Variants in R3HCC1L observed in about 807,000 individuals in gnomAD.
The protein encoded by R3HCC1L is R3H domain and coiled-coil containing 1 like, also known as coiled-coil domain-containing protein R3HCC1L.
A neutral mutation model predicts 59.9 loss-of-function variants in R3HCC1L; 51 were observed. The observed-to-expected ratio is 0.85, with a 90% CI of 0.68 to 1.07. The LOEUF (loss-of-function observed/expected upper bound fraction) is 1.07. R3HCC1L is among the 50% of genes least tolerant of loss of function. The pLI, the probability that R3HCC1L is intolerant of heterozygous loss-of-function variation, is 0.00. For synonymous variants in R3HCC1L, 322 were observed against 315.2 expected, an observed-to-expected ratio of 1.02 and a Z score of -0.23; for missense variants, 965 against 933.0, an observed-to-expected ratio of 1.03 and a Z score of -0.45.
At chr10:98,148,308 G>A (rs937802775) in intron 1 of R3HCC1L, among the ~76,000 whole-genome samples, 2 of 151,976 alleles carry the variant, frequency 1.3e-5, no homozygotes, top group African/African-American at 2.4e-5. Flanking sequence ...AGGTTTTTCT[G>A]TATATAAATC....
At chr10:98,206,844 A>G (rs1394238284) in intron 4 of R3HCC1L, among the ~76,000 whole-genome samples, 1 of 152,208 alleles carries the variant, frequency 6.6e-6, no homozygotes, top group Non-Finnish European at 1.5e-5. Context: ...TTAAGGTCAT[A>G]TTCTTCCTCA....
intron 5 of R3HCC1L, chr10:98,211,389 T>C: frequency 6.7e-7 from 1 of 1,503,472 alleles, no homozygotes; most frequent in Non-Finnish European, 8.9e-7. Flanking sequence ...AGTAGGGAAC[T>C]GCAAATGACT....
At chr10:98,158,154 A>G (rs1387436644) in intron 2 of R3HCC1L, among the ~76,000 whole-genome samples, 1 of 152,178 alleles carries the variant, frequency 6.6e-6, no homozygotes, top group Non-Finnish European at 1.5e-5. Context: ...CTATTAACAG[A>G]TCAGTGTATA....
intron 1 of R3HCC1L, among the ~76,000 whole-genome samples, chr10:98,147,552 G>C (rs1845779535): frequency 6.6e-6 from 1 of 152,076 alleles, no homozygotes; most frequent in Admixed American, 6.5e-5. Context: ...GGCCTTACAT[G>C]TAAGTCTTTA....
At chr10:98,168,790 T>C (rs1590517888) in intron 4 of R3HCC1L, among the ~76,000 whole-genome samples, 1 of 152,356 alleles carries the variant, frequency 6.6e-6, no homozygotes, top group East Asian at 1.9e-4. Context: ...ACGTATACTC[T>C]ACATTCTACT....
intron 4 of R3HCC1L, among the ~76,000 whole-genome samples, chr10:98,175,779 A>G (rs971025245): frequency 1.3e-5 from 2 of 152,148 alleles, no homozygotes; most frequent in Non-Finnish European, 2.9e-5. Flanking sequence ...GAATTTTGAT[A>G]AAGTCGAGTT....
chr10:98,186,813 A>G (rs928204244), intron 4 of R3HCC1L, among the ~76,000 whole-genome samples: 3 of 152,136 alleles, frequency 2.0e-5, no homozygotes, highest in Admixed American at 2.0e-4. Context: ...GTATTATTAC[A>G]ATGTTAGAGT....
chr10:98,209,132 G>A lies in R3HCC1L; in HGVS notation c.1018G>A (p.Ala340Thr). The change falls in exon 5 of 10, where the codon GCT (alanine) becomes ACT (threonine). Residue 340 changes from alanine to threonine, a missense_variant. By Grantham distance (58) the Ala-to-Thr change is moderately conservative. Coordinates refer to ENST00000298999, the MANE Select transcript of R3HCC1L (RefSeq NM_001351015.2). ...AGAATGTGAGAAGAATGACAGCACT[G>A]CTGATGAGTTACATGTAAAGCACGA... ...IRECEKNDST[A>T]DELHVKHEPP... 1 of 1,614,074 alleles carries A rather than the reference G, an allele frequency of 6.2e-7. No homozygotes were observed. Among genetic ancestry groups the A allele is most frequent in the Non-Finnish European group, 8.5e-7 (1 of 1,180,014 alleles).
intron 1 of R3HCC1L, among the ~76,000 whole-genome samples, chr10:98,140,510 G>A (rs1270373393): frequency 6.6e-6 from 1 of 152,134 alleles, no homozygotes; most frequent in African/African-American, 2.4e-5. Flanking sequence ...CACCTAGGCA[G>A]AGTTAGAAAG....
Position 98,208,607 on chromosome 10 carries a change from C to G in R3HCC1L, c.493C>G (p.Gln165Glu), listed in dbSNP as rs770428557. 2 of 1,614,080 alleles carry G rather than the reference C, an allele frequency of 1.2e-6. No homozygotes were observed. Among genetic ancestry groups the G allele is most frequent in the South Asian group, 2.2e-5 (2 of 91,084 alleles). Residue 165 changes from glutamine (Q) to glutamate (E), a missense_variant, in exon 5 of 10, where the codon CAG (glutamine) becomes GAG (glutamate). Transcript: ENST00000298999. ...AGGACATGAGAGGATACTTCTTTCA[C>G]AGGCCTGTTTAGAAATCAGCGAGGC... ...VTGHERILLS[Q>E]ACLEISEAQV... is the part of the protein sequence containing the mutation.
chr10:98,145,842 G>A (rs898483901), intron 1 of R3HCC1L, among the ~76,000 whole-genome samples: 41 of 152,042 alleles, frequency 2.7e-4, no homozygotes, highest in Non-Finnish European at 5.0e-4. Context: ...CCAGCTACTC[G>A]GGAGGCTGAG....
intron 1 of R3HCC1L, among the ~76,000 whole-genome samples, chr10:98,151,026 TCATGG>T (rs1846104831): frequency 1.3e-5 from 2 of 152,196 alleles, no homozygotes; most frequent in Admixed American, 1.3e-4. Flanking sequence ...GAAAGGGGCA[TCATGG>T]TTATGGAAGT....
chr10:98,191,221 A>G (rs1011349368), intron 4 of R3HCC1L, among the ~76,000 whole-genome samples: 7 of 152,184 alleles, frequency 4.6e-5, no homozygotes, highest in Admixed American at 2.0e-4. Flanking sequence ...TCCTTGAGGA[A>G]TTGCCACACT....
At chr10:98,226,547 G>A (rs1451558407) in intron 5 of R3HCC1L, among the ~76,000 whole-genome samples, 2 of 152,176 alleles carry the variant, frequency 1.3e-5, no homozygotes, top group African/African-American at 4.8e-5. Flanking sequence ...TGCAGAAATT[G>A]ACAAGCAGAT....
At chr10:98,222,444 C>T (rs1855115610) in intron 5 of R3HCC1L, among the ~76,000 whole-genome samples, 1 of 151,990 alleles carries the variant, frequency 6.6e-6, no homozygotes, top group South Asian at 2.1e-4. Flanking sequence ...GAGACGGCAT[C>T]CCTGTCTTGT....
At chr10:98,145,348 G>T (rs1845552003) in intron 1 of R3HCC1L, among the ~76,000 whole-genome samples, 2 of 152,206 alleles carry the variant, frequency 1.3e-5, no homozygotes, top group Non-Finnish European at 1.5e-5. Flanking sequence ...TTAGAAATCG[G>T]AGTCAGAATA....
intron 5 of R3HCC1L, among the ~76,000 whole-genome samples, chr10:98,221,518 C>T (rs11189517): frequency 0.4 from 59,730 of 150,752 alleles, 12,368 homozygotes; most frequent in South Asian, 0.56. Flanking sequence ...TTAGGTCTAA[C>T]GTTTAAGTCT....
intron 5 of R3HCC1L, among the ~76,000 whole-genome samples, chr10:98,229,154 G>A (rs1856048390): frequency 6.6e-6 from 1 of 152,178 alleles, no homozygotes; most frequent in East Asian, 1.9e-4. Flanking sequence ...GGATGGCATT[G>A]AATCTATAAA....
chr10:98,201,470 T>C (rs1039791888), intron 4 of R3HCC1L, among the ~76,000 whole-genome samples: 2 of 152,218 alleles, frequency 1.3e-5, no homozygotes, highest in African/African-American at 4.8e-5. Context: ...CTTAAAGATA[T>C]TATTCAGAAA....
Sources: allele counts gnomAD v4.1 joint callset (sites outside exome capture counted in the v4.1 genomes callset), GRCh38; gene constraint gnomAD v4.1.1; transcripts MANE v1.5; gene names NCBI Gene and HGNC (gene_info 2026-07-23, HGNC 2026-07-21).